Variants in DZIP1L observed in about 807,000 individuals in gnomAD.
DZIP1L encodes the protein cilium assembly protein DZIP1L.
DZIP1L carries 90 observed loss-of-function variants against 88.7 expected under a neutral mutation model. The ratio of observed to expected loss-of-function variants is 1.02; its 90% CI spans 0.86 to 1.21. The LOEUF (loss-of-function observed/expected upper bound fraction) is 1.21, where lower values mean the gene tolerates loss of function less well. Among genes scored for constraint, DZIP1L ranks in the 50% most tolerant of loss-of-function variants. The probability of loss-of-function intolerance (pLI) is 0.00; values close to 1 mark genes in which losing one functional copy is unlikely to be tolerated. For missense variants in DZIP1L, 932 were observed against 955.8 expected (o/e 0.98, Z 0.33); for synonymous variants, 363 against 372.1 (o/e 0.98, Z 0.28).
Position 138,068,235 on chromosome 3 carries a change from C to A in DZIP1L, c.1748G>T (p.Ser583Ile). 6.3e-7 allele frequency: 1 copy of A among 1,594,392 alleles called. No individual in the cohort carries two copies. The highest frequency in any genetic ancestry group is 8.5e-7 in the Non-Finnish European group (1 of 1,169,764). ...AGCGGGGGCGGACACCTGGGTCAGG[C>A]TGGAGCCATGGCTGCCATGGCTCTG... ...TRQSHGSHGS[S>I]LTQVSAPAPR... The change falls in exon 13 of 16, where the codon AGC becomes ATC. Residue 583 changes from serine to isoleucine, a missense_variant. Physicochemically the swap from Ser to Ile is moderately radical, Grantham distance 142. Coordinates refer to ENST00000327532, the MANE Select transcript of DZIP1L (RefSeq NM_173543.3).
intron 11 of DZIP1L, among the ~76,000 whole-genome samples, chr3:138,077,071 CCA>C: frequency 6.6e-6 from 1 of 151,938 alleles, no homozygotes; most frequent in South Asian, 2.1e-4. Context: ...TCAGTGATGC[CCA>C]CACACAGCCA....
At chr3:138,081,042 C>T (rs560929321) in intron 9 of DZIP1L, among the ~76,000 whole-genome samples, 1 of 152,250 alleles carries the variant, frequency 6.6e-6, no homozygotes, top group East Asian at 1.9e-4. Context: ...TCGGGCCTGT[C>T]TGAACTGGCT....
chr3:138,086,114 G>A (rs1461804713), intron 7 of DZIP1L, among the ~76,000 whole-genome samples: 2 of 151,880 alleles, frequency 1.3e-5, no homozygotes, highest in African/African-American at 4.8e-5. Context: ...TTGTGGGGTG[G>A]GGGGAGTGGG....
chr3:138,077,103 C>CACATGT (rs1192006524), intron 11 of DZIP1L, among the ~76,000 whole-genome samples: 2 of 151,922 alleles, frequency 1.3e-5, no homozygotes, highest in African/African-American at 4.8e-5. Context: ...TGGACACAGC[C>CACATGT]ACATGTACCA....
chr3:138,068,388 G>T, intron 12 of DZIP1L, 21 bp from the exon 13 acceptor site: 1 of 1,472,618 alleles, frequency 6.8e-7, no homozygotes, highest in Non-Finnish European at 9.1e-7. Flanking sequence ...AGAAAGGAAT[G>T]ATTTTTGGAG....
intron 9 of DZIP1L, among the ~76,000 whole-genome samples, 188 bp from the exon 10 acceptor site, chr3:138,080,808 C>T (rs1043993692): frequency 2.6e-5 from 4 of 152,228 alleles, no homozygotes; most frequent in Admixed American, 6.5e-5. Context: ...CACACTAGCT[C>T]TGCCCCTCGC....
intron 3 of DZIP1L, among the ~76,000 whole-genome samples, chr3:138,097,405 G>A (rs543801483): frequency 2.0e-5 from 3 of 152,248 alleles, no homozygotes; most frequent in South Asian, 2.1e-4. Flanking sequence ...CTGCAGATTC[G>A]CAGAAGGCTG....
At chr3:138,097,530 T>A (rs114366436) in intron 3 of DZIP1L, among the ~76,000 whole-genome samples, 3,906 of 152,250 alleles carry the variant, frequency 0.026, 76 homozygotes, top group Non-Finnish European at 0.039. Flanking sequence ...GCGACAGAGC[T>A]AAGAGTGAAA....
chr3:138,063,092 G>T lies in DZIP1L; in HGVS notation c.2143-115C>A, dbSNP rs1942761939. 1 of 1,181,836 alleles carries T rather than the reference G, an allele frequency of 8.5e-7. No individual in the cohort carries two copies. Among genetic ancestry groups the T allele is most frequent in the Non-Finnish European group, 1.2e-6 (1 of 838,692 alleles). The allele number at this position is 1,181,836 out of a possible 1,614,324, so 73.2% of individuals were successfully genotyped here. On this transcript the variant is annotated intron_variant, in intron 15 of 15. Transcript: ENST00000327532. The surrounding 1 kb of genome is among the most constrained non-coding windows in gnomAD (Gnocchi z 4.1). ...ATGGAAATGGGGACAAATGCAGACT[G>T]GGAAGAAAGCAATAGGGAGATGCTA...
intron 1 of DZIP1L, among the ~76,000 whole-genome samples, chr3:138,111,565 G>A (rs1197389085): frequency 1.3e-5 from 2 of 152,132 alleles, no homozygotes; most frequent in Non-Finnish European, 1.5e-5. Flanking sequence ...CACAGAAGGT[G>A]GCTGCCCCAC....
chr3:138,106,788 C>T (rs887714378), intron 1 of DZIP1L, among the ~76,000 whole-genome samples: 25 of 151,906 alleles, frequency 1.6e-4, no homozygotes, highest in African/African-American at 4.6e-4. Context: ...GCCGAGATCG[C>T]GCCACGGCAC....
Position 138,067,733 on chromosome 3 carries a change from A to G in DZIP1L, c.1833-33T>C, listed in dbSNP as rs765588297. 12 of 1,516,802 alleles carry G rather than the reference A, an allele frequency of 7.9e-6. No individual in the cohort carries two copies. In the East Asian group the frequency reaches 2.0e-4, roughly 25 times the overall value. 94.0% of individuals were successfully genotyped at this position (1,516,802 alleles called of 1,614,324 possible). ...GAGGAGGAGAAGAAATGAGGGATGCATGGGCCAGAAAGAAAACTTCAAAAG... is the reference window on the plus strand; with the variant it reads ...GAGGAGGAGAAGAAATGAGGGATGCGTGGGCCAGAAAGAAAACTTCAAAAG... On this transcript the variant is annotated intron_variant, in intron 13 of 15. Transcript: ENST00000327532.
At chr3:138,101,714 G>A in intron 2 of DZIP1L, 1 of 833,982 alleles carries the variant, frequency 1.2e-6, no homozygotes, top group Non-Finnish European at 2.1e-6. Flanking sequence ...CTTGTGTTCT[G>A]CATCTCAGAC....
intron 4 of DZIP1L, among the ~76,000 whole-genome samples, chr3:138,092,954 A>G (rs187036120): frequency 6.6e-6 from 1 of 152,262 alleles, no homozygotes; most frequent in African/African-American, 2.4e-5. Flanking sequence ...GCTAGAATCA[A>G]TTTCATCCAA....
chr3:138,067,314 T>A (rs1559821614), intron 14 of DZIP1L, among the ~76,000 whole-genome samples: 1 of 152,186 alleles, frequency 6.6e-6, no homozygotes, highest in Non-Finnish European at 1.5e-5. Context: ...AAACTAAACC[T>A]TGCTCAAACT....
intron 1 of DZIP1L, among the ~76,000 whole-genome samples, chr3:138,105,814 A>G (rs1197898703): frequency 2.0e-5 from 3 of 152,174 alleles, no homozygotes; most frequent in Non-Finnish European, 2.9e-5. Flanking sequence ...GCTCATTTAT[A>G]ATTCATATGT....
chr3:138,103,442 A>C (rs1576499530), intron 2 of DZIP1L, 29 bp downstream of exon 2: 2 of 1,567,418 alleles, frequency 1.3e-6, no homozygotes, highest in African/African-American at 1.4e-5. Context: ...CAGCCCTCCC[A>C]CTCTCCCTGC....
intron 14 of DZIP1L, among the ~76,000 whole-genome samples, chr3:138,066,478 T>C (rs536145415): frequency 5.9e-5 from 9 of 152,154 alleles, no homozygotes; most frequent in Admixed American, 2.6e-4. Flanking sequence ...TCTAACACAT[T>C]AACTTCAAAA....
At position 138,064,581 on chromosome 3, in the gene DZIP1L, G is replaced by A. The variant is rs544589728; in HGVS notation, c.2142+47C>T. The A allele has an allele frequency of 9.5e-5, 154 of 1,614,034 alleles. 1 individual carries two copies. In the South Asian group the frequency reaches 1.5e-3, roughly 16 times the overall value. On this transcript the variant is annotated intron_variant, in intron 15 of 15. Coordinates refer to ENST00000327532, the MANE Select transcript of DZIP1L (RefSeq NM_173543.3). ...CCCAGGCCCCCCAAACTCAGAGCTG[G>A]TTCTGTAGAGAATTCCAGAGTAAAC...
Sources: gnomAD v4.1 joint callset for allele counts (sites outside exome capture counted in the v4.1 genomes callset) on GRCh38, gnomAD v4.1.1 for gene constraint, Gnocchi (gnomAD v3.1) non-coding constraint, MANE v1.5 for transcripts, NCBI Gene and HGNC (gene_info 2026-07-23, HGNC 2026-07-21) for gene names.